The following MGLL variants were observed in gnomAD, a reference collection of about 807,000 sequenced individuals.
MGLL encodes the protein lysophospholipase homolog.
A neutral mutation model predicts 29.1 loss-of-function variants in MGLL; 7 were observed. The observed-to-expected ratio is 0.24, with a 90% CI of 0.14 to 0.45. MGLL has a LOEUF of 0.45. MGLL is among the 20% of genes least tolerant of loss of function. The pLI is 0.99. For synonymous variants in MGLL, 148 were observed against 168.3 expected (o/e 0.88, Z 0.93); for missense variants, 356 against 413.6 (o/e 0.86, Z 1.21).
At chr3:127,716,034 G>C (rs1462957483) in intron 5 of MGLL, 1 of 350,610 alleles carries the variant, frequency 2.9e-6, no homozygotes, top group Non-Finnish European at 5.7e-6. Flanking sequence ...CATGACCCTG[G>C]TGAAACCAGG....
chr3:127,742,159 C>T (rs2076352039), intron 3 of MGLL, among the ~76,000 whole-genome samples: 3 of 152,208 alleles, frequency 2.0e-5, no homozygotes, highest in African/African-American at 2.4e-5. Flanking sequence ...TCATTGTCAT[C>T]AGCAAAGTAT....
At chr3:127,784,326 T>G (rs1479739966) in intron 2 of MGLL, among the ~76,000 whole-genome samples, 2 of 152,182 alleles carry the variant, frequency 1.3e-5, no homozygotes, top group Non-Finnish European at 2.9e-5. Context: ...AGCTCCCCAG[T>G]GGCTCCGATG....
intron 3 of MGLL, among the ~76,000 whole-genome samples, chr3:127,733,539 C>T (rs1398164492): frequency 1.3e-5 from 2 of 152,248 alleles, no homozygotes; most frequent in Admixed American, 6.5e-5. Flanking sequence ...GCCTGGGAGG[C>T]AAGGCAGATG....
intron 2 of MGLL, among the ~76,000 whole-genome samples, chr3:127,795,104 G>A (rs758894422): frequency 1.2e-4 from 18 of 152,168 alleles, no homozygotes; most frequent in Non-Finnish European, 2.5e-4. Flanking sequence ...ATTCATGATA[G>A]CAAAGACATG....
In MGLL at chr3:127,692,460, C is replaced by T. The variant is rs1388117319; in HGVS notation, c.817-137G>A. On this transcript the variant is annotated intron_variant, in intron 7 of 7. Transcript: ENST00000265052. ...ATGCCCGAGGACCTGGCCCTGACCT[C>T]CCATTATTAGGAGGCCAACACCTTT... The T allele has an allele frequency of 1.1e-5, 12 of 1,065,158 alleles. No individual in the cohort carries two copies. The South Asian group carries it at 1.5e-4, about 13-fold the overall frequency. 66.0% of individuals were successfully genotyped at this position (1,065,158 alleles called of 1,614,324 possible).
chr3:127,799,672 C>A (rs1331646686), intron 2 of MGLL, among the ~76,000 whole-genome samples: 3 of 152,296 alleles, frequency 2.0e-5, no homozygotes, highest in Non-Finnish European at 4.4e-5. Context: ...CATCTCCCGG[C>A]TGTGCCTCAG....
At chr3:127,735,056 C>T (rs534231041) in intron 3 of MGLL, among the ~76,000 whole-genome samples, 1 of 152,352 alleles carries the variant, frequency 6.6e-6, no homozygotes, top group African/African-American at 2.4e-5. Context: ...GGAGTCTTGG[C>T]TCATTCAGAC....
At chr3:127,767,960 A>G (rs192205327) in intron 3 of MGLL, among the ~76,000 whole-genome samples, 108 of 152,376 alleles carry the variant, frequency 7.1e-4, no homozygotes, top group Non-Finnish European at 1.3e-3. Flanking sequence ...TTCGTTTCAT[A>G]GATTAGGAAA....
At chr3:127,771,254 C>T (rs1422916834) in intron 3 of MGLL, among the ~76,000 whole-genome samples, 2 of 152,216 alleles carry the variant, frequency 1.3e-5, no homozygotes, top group Non-Finnish European at 2.9e-5. Context: ...CTGCTCTCTG[C>T]TCACCGTGAG....
intron 6 of MGLL, among the ~76,000 whole-genome samples, chr3:127,700,659 A>G (rs1008649588): frequency 6.6e-6 from 1 of 152,260 alleles, no homozygotes; most frequent in Admixed American, 6.5e-5. Flanking sequence ...AAGAAGTAGC[A>G]CCTTTGGGTA....
chr3:127,752,932 A>T (rs1329812943), intron 3 of MGLL, among the ~76,000 whole-genome samples: 1 of 152,186 alleles, frequency 6.6e-6, no homozygotes, highest in East Asian at 1.9e-4. Context: ...TAAGAGGGGA[A>T]AGAAATCACC....
At chr3:127,746,252 G>A (rs983858977) in intron 3 of MGLL, among the ~76,000 whole-genome samples, 1 of 152,176 alleles carries the variant, frequency 6.6e-6, no homozygotes, top group African/African-American at 2.4e-5. Flanking sequence ...TGGCTCCTGA[G>A]TTTTCTAACA....
At chr3:127,773,198 A>G (rs982353217) in intron 3 of MGLL, among the ~76,000 whole-genome samples, 18 of 152,196 alleles carry the variant, frequency 1.2e-4, no homozygotes, top group Non-Finnish European at 2.2e-4. Context: ...TGAGGGGCCC[A>G]AGAATGCTGT....
Position 127,805,293 on chromosome 3 carries a change from C to T in MGLL, c.155+16401G>A, listed in dbSNP as rs138539763. On this transcript the variant is annotated intron_variant, in intron 2 of 7. Coordinates refer to ENST00000265052, the MANE Select transcript of MGLL (RefSeq NM_007283.7). ...AATGATCAGGAATTTATTGAGAATG[C>T]GGGAGAGGTGAGACGAGCATTGAGT... Among the ~76,000 whole-genome samples, 7 of 152,192 alleles carry T rather than the reference C, an allele frequency of 4.6e-5. No homozygotes were observed. The East Asian group carries it at 9.6e-4, about 21-fold the overall frequency.
intron 3 of MGLL, among the ~76,000 whole-genome samples, chr3:127,723,281 G>A (rs937177696): frequency 2.0e-5 from 3 of 152,220 alleles, no homozygotes; most frequent in Non-Finnish European, 4.4e-5. Flanking sequence ...CATTCGGGCT[G>A]AAAGCAGCTG....
chr3:127,712,977 G>C (rs1191928564), intron 5 of MGLL: 1 of 152,292 alleles, frequency 6.6e-6, no homozygotes, highest in Non-Finnish European at 1.5e-5. Context: ...GAGTGGATCA[G>C]TGCATAAAGG....
intron 5 of MGLL, among the ~76,000 whole-genome samples, chr3:127,717,116 C>T (rs539764146): frequency 2.6e-5 from 4 of 152,334 alleles, no homozygotes; most frequent in South Asian, 4.1e-4. Flanking sequence ...CTAACCCCCA[C>T]GGCAGCTCAT....
At position 127,691,945 on chromosome 3, in the gene MGLL, A is replaced by G. The variant is rs944897517; in HGVS notation, c.*253T>C. On this transcript the variant is annotated 3_prime_UTR_variant, in exon 8 of 8. Transcript: ENST00000265052. ...TTGTTTTCAGTGGACATTTTAGCAC[A>G]TTCTTTGTGGAAAATCACCTGGGAC... 3.8e-6 allele frequency: 2 copies of G among 523,406 alleles called. No individual in the cohort carries two copies. The highest frequency in any genetic ancestry group is 2.1e-5 in the South Asian group (1 of 46,606). The allele number at this position is 523,406 out of a possible 1,614,324, so 32.4% of individuals were successfully genotyped here.
At chr3:127,713,855 A>G (rs765927156) in intron 5 of MGLL, 6 of 152,272 alleles carry the variant, frequency 3.9e-5, no homozygotes, top group Non-Finnish European at 8.8e-5. Context: ...TCTGGAGAAG[A>G]TGCTGACAGC....
Sources: allele counts gnomAD v4.1 joint callset (sites outside exome capture counted in the v4.1 genomes callset), GRCh38; gene constraint gnomAD v4.1.1; transcripts MANE v1.5; gene names NCBI Gene and HGNC (gene_info 2026-07-23, HGNC 2026-07-21).